Variants in ADH4 observed in about 807,000 individuals in gnomAD.
The protein encoded by ADH4 is alcohol dehydrogenase 4 (class II), pi polypeptide.
A neutral mutation model predicts 35.2 loss-of-function variants in ADH4; 31 were observed. The observed-to-expected ratio is 0.88, with a 90% CI of 0.66 to 1.19. The LOEUF (loss-of-function observed/expected upper bound fraction) is 1.19. ADH4 is among the 50% of genes most tolerant of loss of function. The pLI is 0.00. For missense variants in ADH4, 476 were observed against 458.3 expected (o/e 1.04, Z -0.35); for synonymous variants, 171 against 160.2 (o/e 1.07, Z -0.51).
In ADH4 at chr4:99,144,207, T is replaced by C; in HGVS notation, c.16A>G (p.Lys6Glu). Residue 6 changes from lysine to glutamate, a missense_variant and splice_region_variant, in exon 1 of 9, where the codon AAA becomes GAA. Coordinates refer to ENST00000265512, the MANE Select transcript of ADH4 (RefSeq NM_000670.5). The stretch of plus-strand genomic sequence containing the variant: ...AAAGATACAGCTTACTTGCTTACTT[T>C]GCCCTTGGTGCCCATTTTTCTTTGG... MGTKGKVIKCKAAIAW... is the reference protein window; with the variant it reads MGTKGEVIKCKAAIAW... 1.9e-6 allele frequency: 3 copies of C among 1,613,890 alleles called. No homozygotes were observed. Among genetic ancestry groups the C allele is most frequent in the Non-Finnish European group, 2.5e-6 (3 of 1,179,776 alleles).
At position 99,127,295 on chromosome 4, in the gene ADH4, A is replaced by G. The variant is rs367861880; in HGVS notation, c.893T>C (p.Ile298Thr). The G allele has an allele frequency of 7.6e-5, 123 of 1,612,406 alleles. No homozygotes were observed. Among genetic ancestry groups the G allele is most frequent in the Admixed American group, 5.5e-4 (33 of 59,862 alleles). Residue 298 changes from isoleucine (I) to threonine (T), a missense_variant, in exon 7 of 9, where the codon ATT becomes ACT. Coordinates refer to ENST00000265512, the MANE Select transcript of ADH4 (RefSeq NM_000670.5). ...TTAGWGSCTF[I>T]GVAAGSKGLT... is the part of the protein sequence containing the mutation. ...TCCTTTGCTACCAGCAGCTACTCCA[A>G]TGAAAGTACATGATCCCCAGCCTGC...
intron 1 of ADH4, 70 bp downstream of exon 1, chr4:99,144,135 C>T: frequency 2.6e-6 from 4 of 1,551,874 alleles, no homozygotes; most frequent in South Asian, 1.1e-5. Flanking sequence ...CTGAAGGAAG[C>T]TCCTTTTAGC....
rs1269560674 is a variant in ADH4 at position 99,139,107 on chromosome 4, A to G, written c.304T>C (p.Cys102Arg). The change falls in exon 4 of 9, where the codon TGC (cysteine) becomes CGC (arginine). Residue 102 changes from cysteine to arginine, a missense_variant. By Grantham distance (180) the Cys-to-Arg change is radical. Coordinates refer to ENST00000265512, the MANE Select transcript of ADH4 (RefSeq NM_000670.5). Reference protein sequence around the residue: ...IPLYAPLCRKCKFCLSPLTNL... With the variant: ...IPLYAPLCRKRKFCLSPLTNL... ...GTGAGTGGACTCAGACAAAACTTGC[A>G]TTTTCTACATAGAGGTGCATAAAGT... 2.5e-6 allele frequency: 4 copies of G among 1,613,470 alleles called. No homozygotes were observed. Among genetic ancestry groups the G allele is most frequent in the South Asian group, 1.1e-5 (1 of 90,996 alleles).
chr4:99,127,917 A>G (rs780064184), intron 6 of ADH4, among the ~76,000 whole-genome samples: 1 of 152,036 alleles, frequency 6.6e-6, no homozygotes. Flanking sequence ...TAAGTTTTAT[A>G]TTTGCCTCTG....
At chr4:99,142,857 C>T in intron 1 of ADH4, 77 bp from the exon 2 acceptor site, 5 of 1,027,284 alleles carry the variant, frequency 4.9e-6, no homozygotes, top group Non-Finnish European at 7.0e-6. Flanking sequence ...GAGAGGAGAT[C>T]ATGAGAAAAA....
chr4:99,142,336 C>CT (rs978731630), intron 2 of ADH4, among the ~76,000 whole-genome samples: 47 of 152,316 alleles, frequency 3.1e-4, no homozygotes, highest in African/African-American at 9.6e-4. Context: ...ATCAAATTGT[C>CT]TATCTTCCTT....
At chr4:99,127,153 G>T in intron 7 of ADH4, 56 bp downstream of exon 7, 1 of 1,439,174 alleles carries the variant, frequency 6.9e-7, no homozygotes, top group Non-Finnish European at 9.5e-7. Flanking sequence ...TTCACTCTAA[G>T]AATTTCAGAA....
intron 1 of ADH4, chr4:99,143,030 G>A: frequency 1.5e-6 from 1 of 663,432 alleles, no homozygotes; most frequent in Non-Finnish European, 2.7e-6. Flanking sequence ...AAAAACAGGT[G>A]TATTAAAGTT....
At chr4:99,143,870 A>G (rs923556439) in intron 1 of ADH4, among the ~76,000 whole-genome samples, 5 of 152,196 alleles carry the variant, frequency 3.3e-5, no homozygotes, top group African/African-American at 2.4e-5. Context: ...TACTTTTTCT[A>G]CTATTAATAT....
chr4:99,142,729 T>C lies in ADH4; in HGVS notation c.70A>G (p.Ile24Val). ...IAWEAGKPLCIEEVEVAPPKA... is the reference protein window; with the variant it reads ...IAWEAGKPLCVEEVEVAPPKA... ...GGGGGAGCTACTTCAACCTCTTCAA[T>C]GCAAAGGGGCTTGCCTGCTTCCCAG... Residue 24 changes from isoleucine to valine, a missense_variant, in exon 2 of 9, where the codon ATT (isoleucine) becomes GTT (valine). By Grantham distance (29) the Ile-to-Val change is conservative. Transcript: ENST00000265512. 2 of 1,606,362 alleles carry C rather than the reference T, an allele frequency of 1.2e-6. No individual in the cohort carries two copies.
intron 5 of ADH4, among the ~76,000 whole-genome samples, chr4:99,135,834 G>A (rs1729416785): frequency 6.6e-6 from 1 of 152,214 alleles, no homozygotes; most frequent in South Asian, 2.1e-4. Context: ...CAGATAAGCA[G>A]GTTGAGATGT....
At chr4:99,144,148 A>C in intron 1 of ADH4, 57 bp downstream of exon 1, 2 of 1,597,836 alleles carry the variant, frequency 1.3e-6, no homozygotes, top group East Asian at 4.5e-5. Context: ...CTTTTAGCCA[A>C]ACATACAAGG....
intron 4 of ADH4, among the ~76,000 whole-genome samples, chr4:99,137,494 T>C (rs1185694282): frequency 1.3e-5 from 2 of 152,158 alleles, no homozygotes; most frequent in Admixed American, 1.3e-4. Context: ...ACTCCTGACC[T>C]CAGGTGATCT....
At position 99,139,121 on chromosome 4, in the gene ADH4, G is replaced by A. The variant is rs144207170; in HGVS notation, c.290C>T (p.Pro97Leu). ...ACAAAACTTGCATTTTCTACATAGA[G>A]GTGCATAAAGTGGAATTACTTTGTC... ...PGDKVIPLYA[P>L]LCRKCKFCLS... The change falls in exon 4 of 9, where the codon CCT becomes CTT. Residue 97 changes from proline (P) to leucine (L), a missense_variant. Physicochemically the swap from Pro to Leu is moderately conservative, Grantham distance 98. Transcript: ENST00000265512. The A allele has an allele frequency of 1.2e-6, 2 of 1,613,192 alleles. No individual in the cohort carries two copies. The highest frequency in any genetic ancestry group is 8.5e-7 in the Non-Finnish European group (1 of 1,179,574).
In ADH4 at chr4:99,142,664, A is replaced by G. The variant is rs763954599; in HGVS notation, c.120+15T>C. ...GGGCCCTGTCTGTTCCCACCCAAGG[A>G]AAGTCTCCACTTACCTGAATGCGAA... On this transcript the variant is annotated intron_variant, in intron 2 of 8. Coordinates refer to ENST00000265512, the MANE Select transcript of ADH4 (RefSeq NM_000670.5). The G allele has an allele frequency of 2.0e-6, 3 of 1,522,182 alleles. No homozygotes were observed. Among genetic ancestry groups the G allele is most frequent in the Non-Finnish European group, 2.6e-6 (3 of 1,135,700 alleles). 94.3% of individuals were successfully genotyped at this position (1,522,182 alleles called of 1,614,324 possible). A position where few individuals can be genotyped will look rare whatever the true frequency, so the allele number is the denominator to read the frequency against.
intron 4 of ADH4, among the ~76,000 whole-genome samples, chr4:99,137,824 C>T (rs1231209723): frequency 2.0e-5 from 3 of 152,266 alleles, no homozygotes; most frequent in South Asian, 2.1e-4. Flanking sequence ...CCAGATATCA[C>T]GATTTCATCT....
At position 99,140,053 on chromosome 4, in the gene ADH4, G is replaced by C. The variant is rs571119226; in HGVS notation, c.263-905C>G. Among the ~76,000 whole-genome samples, 3 of 152,170 alleles carry C rather than the reference G, an allele frequency of 2.0e-5. No individual in the cohort carries two copies. In the South Asian group the frequency reaches 6.2e-4, roughly 32 times the overall value. ...ATAGCCCATATTCCAGTATCTGGAG[G>C]ATCTGTTGTAAAATGTGGAGTAAAT... On this transcript the variant is annotated intron_variant, in intron 3 of 8. Transcript: ENST00000265512.
chr4:99,131,844 G>A (rs1171407436), intron 5 of ADH4, 80 bp from the exon 6 acceptor site: 1 of 1,450,200 alleles, frequency 6.9e-7, no homozygotes, highest in African/African-American at 1.4e-5. Flanking sequence ...GAGGAAGTGG[G>A]GGCATGAACA....
At chr4:99,138,807 C>T (rs1175501749) in intron 4 of ADH4, among the ~76,000 whole-genome samples, 3 of 152,118 alleles carry the variant, frequency 2.0e-5, no homozygotes, top group African/African-American at 7.2e-5. Flanking sequence ...TACTACATAG[C>T]AGTTTTAAAA....
Sources: allele counts gnomAD v4.1 joint callset (sites outside exome capture counted in the v4.1 genomes callset), GRCh38; gene constraint gnomAD v4.1.1; transcripts MANE v1.5; gene names NCBI Gene and HGNC (gene_info 2026-07-23, HGNC 2026-07-21).